PTPRQ: variants seen among roughly 807,000 people sequenced by gnomAD.
PTPRQ encodes protein tyrosine phosphatase receptor type Q, also known as phosphatidylinositol phosphatase PTPRQ.
Under a neutral mutation model 246.0 loss-of-function variants are expected in PTPRQ, and 199 were observed. That is an observed-to-expected ratio of 0.81 (90% confidence interval 0.72 to 0.91). PTPRQ has a LOEUF of 0.91. Among genes scored for constraint, PTPRQ ranks in the 40% least tolerant of loss-of-function variants. The pLI, the probability that PTPRQ is intolerant of heterozygous loss-of-function variation, is 0.00. For missense variants in PTPRQ, 2,624 were observed against 2,528.4 expected, an observed-to-expected ratio of 1.04 and a Z score of -0.81; for synonymous variants, 869 against 853.2, an observed-to-expected ratio of 1.02 and a Z score of -0.32.
chr12:80,463,300 G>A (rs1232548514), intron 6 of PTPRQ, among the ~76,000 whole-genome samples: 1 of 152,170 alleles, frequency 6.6e-6, no homozygotes, highest in Non-Finnish European at 1.5e-5. Context: ...AATGAAGCAA[G>A]AAGGGAAGTT....
intron 7 of PTPRQ, among the ~76,000 whole-genome samples, chr12:80,471,632 T>C (rs560012671): frequency 0.012 from 1,547 of 130,108 alleles, 8 homozygotes; most frequent in Non-Finnish European, 0.019. Context: ...CGCGCGCCAC[T>C]ACGCCCGGCT....
intron 29 of PTPRQ, among the ~76,000 whole-genome samples, chr12:80,614,992 AT>A (rs1337050961): frequency 6.6e-6 from 1 of 150,940 alleles, no homozygotes; most frequent in African/African-American, 2.4e-5. Flanking sequence ...GTTTGTTAGG[AT>A]GTATAACTTT....
rs561333222 is a variant in PTPRQ, at chr12:80,648,909, T to C, written c.5928T>C (p.Tyr1976=). ...ATCTCTATTGCAGGTTACTTAGTTA[T>C]AGAAAATCCATCAAGTAAGTTTGTT... The part of the protein sequence containing the change: ...KDERLTRLLS[Y]RKSIKPISKK... Residue 1976 remains tyrosine, a synonymous_variant, in exon 36 of 45, where the codon TAT becomes TAC. Transcript: ENST00000644991. 209 of 1,526,980 alleles carry C rather than the reference T, an allele frequency of 1.4e-4. No individual in the cohort carries two copies. Among genetic ancestry groups the C allele is most frequent in the Admixed American group, 4.9e-4 (23 of 46,776 alleles). The allele number at this position is 1,526,980 out of a possible 1,614,324, so 94.6% of individuals were successfully genotyped here.
chr12:80,456,019 A>T (rs11114458), intron 3 of PTPRQ, among the ~76,000 whole-genome samples: 141,759 of 152,270 alleles, frequency 0.93, 66,123 homozygotes, highest in East Asian at 0.99. Flanking sequence ...TTAAGGGATA[A>T]GTATGACATT....
chr12:80,618,888 A>ATGACTATT (rs1371222739), intron 30 of PTPRQ, among the ~76,000 whole-genome samples: 1 of 151,556 alleles, frequency 6.6e-6, no homozygotes, highest in East Asian at 1.9e-4. Flanking sequence ...TGTGTTGTGC[A>ATGACTATT]TGACTATTTA....
chr12:80,632,749 A>G (rs1043763374), intron 34 of PTPRQ, among the ~76,000 whole-genome samples: 1 of 152,178 alleles, frequency 6.6e-6, no homozygotes, highest in Non-Finnish European at 1.5e-5. Flanking sequence ...CAGTGAGCAA[A>G]GAAATATGAC....
rs569631115 is a variant in PTPRQ, at chr12:80,646,597, G to A, written c.5916-2300G>A. Among the ~76,000 whole-genome samples, 12 of 152,256 alleles carry A rather than the reference G, an allele frequency of 7.9e-5. No homozygotes were observed. The South Asian group carries it at 2.3e-3, about 29-fold the overall frequency. On this transcript the variant is annotated intron_variant, in intron 35 of 44. Transcript: ENST00000644991. ...TCTAGCCTGGATGCAGGAGACACTC[G>A]AGGAGAGTGGCAGGTCCTTGTAGTA...
At chr12:80,599,346 A>G (rs1382126908) in intron 26 of PTPRQ, among the ~76,000 whole-genome samples, 2 of 151,928 alleles carry the variant, frequency 1.3e-5, no homozygotes, top group Non-Finnish European at 2.9e-5. Flanking sequence ...TTATAAGAGA[A>G]AGGGTATAGT....
intron 8 of PTPRQ, among the ~76,000 whole-genome samples, chr12:80,473,051 A>ACGCGCGCG (rs1202125045): frequency 2.6e-4 from 35 of 136,048 alleles, no homozygotes; most frequent in African/African-American, 9.7e-4. Flanking sequence ...ACACACGCAC[A>ACGCGCGCG]CACACACACA....
At chr12:80,600,081 A>G (rs1364210147) in intron 26 of PTPRQ, among the ~76,000 whole-genome samples, 1 of 151,912 alleles carries the variant, frequency 6.6e-6, no homozygotes, top group Non-Finnish European at 1.5e-5. Context: ...TAAAAAATGA[A>G]GAAAGAAGGG....
intron 25 of PTPRQ, among the ~76,000 whole-genome samples, chr12:80,552,633 A>T (rs1592645193): frequency 1.6e-4 from 2 of 12,656 alleles, no homozygotes; most frequent in Non-Finnish European, 9.0e-4. Flanking sequence ...AGGTCTTTGT[A>T]AAAAAAAAAA....
rs1895921709 is a variant in PTPRQ, at chr12:80,534,173, G to A, written c.2837G>A (p.Gly946Glu). Residue 946 changes from glycine to glutamate, a missense_variant and splice_region_variant, in exon 18 of 45, where the codon GGA (glycine) becomes GAA (glutamate). Transcript: ENST00000644991. ...SNIISFQTPE[G>E]APSDPPKDVY... ...ATCATTAGCTTTCAAACACCAGAGG[G>A]AGGTGAGTTAAGGATGTATGCCAAT... The A allele has an allele frequency of 6.5e-7, 1 of 1,527,012 alleles. No homozygotes were observed. Among genetic ancestry groups the A allele is most frequent in the Non-Finnish European group, 8.8e-7 (1 of 1,136,046 alleles). 94.6% of individuals were successfully genotyped at this position (1,527,012 alleles called of 1,614,324 possible). A position where few individuals can be genotyped will look rare whatever the true frequency, so the allele number is the denominator to read the frequency against.
In PTPRQ at chr12:80,541,606, C is replaced by A. The variant is rs1389256871; in HGVS notation, c.3206C>A (p.Ala1069Glu). 22 of 1,543,134 alleles carry A rather than the reference C, an allele frequency of 1.4e-5. No homozygotes were observed. In the Admixed American group the frequency reaches 3.0e-4, roughly 21 times the overall value. Residue 1069 changes from alanine to glutamate, a missense_variant, in exon 21 of 45, where the codon GCA becomes GAA. Physicochemically the swap from Ala to Glu is moderately radical, Grantham distance 107. Coordinates refer to ENST00000644991, the MANE Select transcript of PTPRQ (RefSeq NM_001145026.2). ...NLTYESISST[A>E]INVSWVPPAQ... ...ACTTACGAATCCATTTCGTCAACTG[C>A]AATAAATGTAAGCTGGGTCCCACCG... is the stretch of plus-strand genomic sequence containing the variant.
chr12:80,523,646 G>T (rs1371268322), intron 17 of PTPRQ, among the ~76,000 whole-genome samples: 8 of 152,106 alleles, frequency 5.3e-5, no homozygotes, highest in Non-Finnish European at 8.8e-5. Context: ...CAGGAGCAGG[G>T]TGTTCAGTTT....
At chr12:80,668,979 T>C (rs1900876615) in intron 39 of PTPRQ, 28 bp from the exon 40 acceptor site, 1 of 1,539,158 alleles carries the variant, frequency 6.5e-7, no homozygotes, top group Non-Finnish European at 8.8e-7. Flanking sequence ...AACACAGTGA[T>C]GCAGTGTTTG....
rs1896315278 is a variant in PTPRQ at position 80,546,620 on chromosome 12, T to A, written c.3938T>A (p.Ile1313Asn). ...CTGGAACCAGTCAGCACCTACTCTA[T>A]CCGTGTATCTGCGTTCACCAAAGTT... Reference protein sequence around the residue: ...VGLEPVSTYSIRVSAFTKVGN... With the variant: ...VGLEPVSTYSNRVSAFTKVGN... The change falls in exon 24 of 45, where the codon ATC becomes AAC. Residue 1313 changes from isoleucine to asparagine, a missense_variant. By Grantham distance (149) the Ile-to-Asn change is moderately radical (BLOSUM62 -3). Transcript: ENST00000644991. 6.4e-7 allele frequency: 1 copy of A among 1,551,382 alleles called. No homozygotes were observed.
intron 41 of PTPRQ, 125 bp downstream of exon 41, chr12:80,669,589 T>TA: frequency 7.6e-7 from 1 of 1,317,308 alleles, no homozygotes; most frequent in Non-Finnish European, 1.0e-6. Flanking sequence ...AATGCTTTTG[T>TA]ATTGTCTTCT....
chr12:80,444,455 C>T (rs1157157998), intron 1 of PTPRQ, 56 bp downstream of exon 1: 2 of 1,021,674 alleles, frequency 2.0e-6, no homozygotes, highest in Non-Finnish European at 3.0e-6. Context: ...GTAGATTTCT[C>T]AAGACTTGAA....
At chr12:80,512,727 C>T (rs1161120945) in intron 17 of PTPRQ, 1 of 152,184 alleles carries the variant, frequency 6.6e-6, no homozygotes, top group African/African-American at 2.4e-5. Flanking sequence ...AATTCGGTCT[C>T]TTTTGGGTAA....
Sources: gnomAD v4.1 joint callset for allele counts (sites outside exome capture counted in the v4.1 genomes callset) on GRCh38, gnomAD v4.1.1 for gene constraint, MANE v1.5 for transcripts, NCBI Gene and HGNC (gene_info 2026-07-23, HGNC 2026-07-21) for gene names.